The following HIRA variants were observed in gnomAD, a reference collection of about 807,000 sequenced individuals.
HIRA encodes the protein histone cell cycle regulator, also known as protein HIRA.
A neutral mutation model predicts 126.6 loss-of-function variants in HIRA; 13 were observed. The ratio of observed to expected loss-of-function variants is 0.10; its 90% CI spans 0.07 to 0.16. HIRA has a LOEUF of 0.16. Ranked by LOEUF, HIRA falls within the 10% of genes least tolerant of loss-of-function variation. HIRA has a pLI of 1.00. For missense variants in HIRA, 834 were observed against 1,314.4 expected, an observed-to-expected ratio of 0.63 and a Z score of 5.65; for synonymous variants, 511 against 520.0, an observed-to-expected ratio of 0.98 and a Z score of 0.24.
intron 15 of HIRA, among the ~76,000 whole-genome samples, chr22:19,375,383 CT>C (rs772229022): frequency 1.2e-4 from 19 of 152,194 alleles, no homozygotes; most frequent in Non-Finnish European, 2.5e-4. Flanking sequence ...ATCCTTGTGC[CT>C]TTGACCTTGT....
intron 15 of HIRA, among the ~76,000 whole-genome samples, chr22:19,362,166 C>G (rs2088869969): frequency 6.6e-6 from 1 of 152,080 alleles, no homozygotes; most frequent in African/African-American, 2.4e-5. Flanking sequence ...AAAAGTCTTT[C>G]AGAGAGAAGA....
chr22:19,376,852 C>T (rs1760978225), intron 14 of HIRA, among the ~76,000 whole-genome samples: 2 of 152,190 alleles, frequency 1.3e-5, no homozygotes, highest in African/African-American at 2.4e-5. Context: ...CTCCATTCCA[C>T]CAATGGAGAA....
intron 24 of HIRA, among the ~76,000 whole-genome samples, chr22:19,334,032 T>C (rs940395334): frequency 6.6e-6 from 1 of 152,048 alleles, no homozygotes; most frequent in South Asian, 2.1e-4. Flanking sequence ...TGGAGTGCAG[T>C]GGTGTGATCT....
chr22:19,338,183 C>A (rs1300619930), intron 24 of HIRA, among the ~76,000 whole-genome samples: 5 of 152,114 alleles, frequency 3.3e-5, no homozygotes, highest in Non-Finnish European at 7.3e-5. Context: ...CTCAAACAAA[C>A]TAACTGCCAG....
At chr22:19,421,069 G>A (rs1007303521) in intron 1 of HIRA, among the ~76,000 whole-genome samples, 4 of 152,140 alleles carry the variant, frequency 2.6e-5, no homozygotes, top group Admixed American at 1.3e-4. Flanking sequence ...AGGTCGAGGC[G>A]GGTGGATCAC....
At chr22:19,391,505 G>A (rs537248554) in intron 9 of HIRA, among the ~76,000 whole-genome samples, 73 of 146,010 alleles carry the variant, frequency 5.0e-4, no homozygotes, top group Non-Finnish European at 8.1e-4. Flanking sequence ...TTTTTGAGAC[G>A]GAGTCTCGCT....
chr22:19,397,877 C>T, intron 6 of HIRA, 115 bp downstream of exon 6: 2 of 650,340 alleles, frequency 3.1e-6, no homozygotes, highest in Non-Finnish European at 5.4e-6. Context: ...CACATAAATC[C>T]TAGGCCACTG....
intron 8 of HIRA, among the ~76,000 whole-genome samples, 186 bp downstream of exon 8, chr22:19,394,156 T>C (rs1198368851): frequency 6.6e-6 from 1 of 152,242 alleles, no homozygotes; most frequent in Non-Finnish European, 1.5e-5. Flanking sequence ...GGAGCTACGA[T>C]GTTCCTAACC....
At chr22:19,394,129 G>A (rs1477396826) in intron 8 of HIRA, among the ~76,000 whole-genome samples, 1 of 152,212 alleles carries the variant, frequency 6.6e-6, no homozygotes, top group East Asian at 1.9e-4. Context: ...ATACCTGAGT[G>A]TGTAAAAGGC....
At chr22:19,346,759 A>G (rs1284599871) in intron 24 of HIRA, among the ~76,000 whole-genome samples, 1 of 152,274 alleles carries the variant, frequency 6.6e-6, no homozygotes, top group South Asian at 2.1e-4. Context: ...GATCTTGGAC[A>G]TGGAAGCCAC....
At chr22:19,396,704 G>A in intron 7 of HIRA, 83 bp downstream of exon 7, 2 of 1,468,858 alleles carry the variant, frequency 1.4e-6, no homozygotes, top group Non-Finnish European at 1.9e-6. Flanking sequence ...CTGGCCCATG[G>A]CCAGCTCCCT....
intron 1 of HIRA, among the ~76,000 whole-genome samples, chr22:19,420,637 C>A (rs80334748): frequency 0.04 from 6,047 of 152,094 alleles, 262 homozygotes; most frequent in East Asian, 0.13. Flanking sequence ...ATTGCTTGAG[C>A]CCAGGAGCTC....
intron 20 of HIRA, 24 bp downstream of exon 20, chr22:19,356,206 G>C: frequency 6.2e-7 from 1 of 1,608,606 alleles, no homozygotes; most frequent in Non-Finnish European, 8.5e-7. Context: ...CAAAAGAGTA[G>C]GGACAGCCTG....
At chr22:19,363,109 C>T (rs868336560) in intron 15 of HIRA, among the ~76,000 whole-genome samples, 112 of 151,382 alleles carry the variant, frequency 7.4e-4, no homozygotes, top group Middle Eastern at 6.8e-3. Context: ...TGGCGTGTGC[C>T]TGTAGTCCCA....
rs9618547 is a variant in HIRA at position 19,355,227 on chromosome 22, G to C, written c.2561+533C>G. On this transcript the variant is annotated intron_variant, in intron 21 of 24. Transcript: ENST00000263208. Reference sequence around the variant, plus strand: ...GAACTTGGAGTGGCTGGAACACAACGTACATAATTCACGTGTCTGGGTTAA... The same window carrying C: ...GAACTTGGAGTGGCTGGAACACAACCTACATAATTCACGTGTCTGGGTTAA... Among the ~76,000 whole-genome samples the C allele has an allele frequency of 3.0e-3, 464 of 152,214 alleles. 1 individual carries two copies. The highest frequency in any genetic ancestry group is 9.7e-3 in the African/African-American group (404 of 41,538).
chr22:19,361,120 T>A (rs114292580), intron 17 of HIRA, 117 bp downstream of exon 17: 5 of 785,368 alleles, frequency 6.4e-6, no homozygotes, highest in Non-Finnish European at 1.1e-5. Flanking sequence ...CAGAAGGTGA[T>A]GGAGAGCCAC....
chr22:19,395,692 C>T (rs2089217667), intron 7 of HIRA, among the ~76,000 whole-genome samples: 1 of 152,190 alleles, frequency 6.6e-6, no homozygotes. Context: ...TTTCCTGATG[C>T]ACTCACCTCT....
intron 15 of HIRA, among the ~76,000 whole-genome samples, chr22:19,374,879 C>A (rs1398963199): frequency 6.6e-6 from 1 of 152,148 alleles, no homozygotes; most frequent in African/African-American, 2.4e-5. Context: ...GCTCTTAAGC[C>A]CCCAAAGTCC....
chr22:19,423,138 T>C (rs975108190), intron 1 of HIRA, among the ~76,000 whole-genome samples: 2 of 152,212 alleles, frequency 1.3e-5, no homozygotes, highest in Non-Finnish European at 2.9e-5. Context: ...ATCTGACTCC[T>C]GCAACAAGGC....
Sources: allele counts gnomAD v4.1 joint callset (sites outside exome capture counted in the v4.1 genomes callset), GRCh38; gene constraint gnomAD v4.1.1; transcripts MANE v1.5; gene names NCBI Gene and HGNC (gene_info 2026-07-23, HGNC 2026-07-21).